Variants in YBX1 observed in about 807,000 individuals in gnomAD.
The protein encoded by YBX1 is Y-box binding protein 1.
Under a neutral mutation model 41.4 loss-of-function variants are expected in YBX1, and 3 were observed. The ratio of observed to expected loss-of-function variants is 0.07; its 90% CI spans 0.03 to 0.19. YBX1 has a LOEUF of 0.19. Ranked by LOEUF, YBX1 falls within the 10% of genes least tolerant of loss-of-function variation. The pLI, the probability that YBX1 is intolerant of heterozygous loss-of-function variation, is 1.00. For synonymous variants in YBX1, 133 were observed against 165.8 expected (o/e 0.80, Z 1.52); for missense variants, 274 against 462.8 (o/e 0.59, Z 3.74).
intron 2 of YBX1, among the ~76,000 whole-genome samples, chr1:42,685,076 G>T (rs966904795): frequency 6.6e-6 from 1 of 152,206 alleles, no homozygotes; most frequent in Admixed American, 6.5e-5. Flanking sequence ...CAAATTTGCA[G>T]CCTTTTCAGC....
In YBX1 at chr1:42,696,749, T is replaced by C; in HGVS notation, c.462T>C (p.Pro154=). The change falls in exon 5 of 8, where the codon CCT becomes CCC. Residue 154 remains proline (P), a synonymous_variant. Coordinates refer to ENST00000321358, the MANE Select transcript of YBX1 (RefSeq NM_004559.5). The surrounding 1 kb of genome is among the most constrained non-coding windows in gnomAD (Gnocchi z 5.7). Reference sequence around the variant, plus strand: ...GACGCTATCCACGTCGTAGGGGTCCTCCACGCAATTACCAGCAAAATTACC... The same window carrying C: ...GACGCTATCCACGTCGTAGGGGTCCCCCACGCAATTACCAGCAAAATTACC... The part of the protein sequence containing the change: ...HYRRYPRRRG[P]PRNYQQNYQN... 6.2e-7 allele frequency: 1 copy of C among 1,613,846 alleles called. No individual in the cohort carries two copies. The highest frequency in any genetic ancestry group is 8.5e-7 in the Non-Finnish European group (1 of 1,179,842).
intron 2 of YBX1, among the ~76,000 whole-genome samples, chr1:42,691,826 A>C (rs1423789617): frequency 6.6e-6 from 1 of 152,140 alleles, no homozygotes; most frequent in East Asian, 1.9e-4. Flanking sequence ...ACTTCCATTA[A>C]TGCAGATAGT....
Position 42,683,421 on chromosome 1 carries a change from C to T in YBX1, c.185C>T (p.Thr62Ile). ...KKVIATKVLG[T>I]VKWFNVRNGY... is the part of the protein sequence containing the mutation. ...TTTCCAGCAACGAAGGTTTTGGGAA[C>T]AGTAAAATGGTTCAATGTAAGGAAC... Residue 62 changes from threonine to isoleucine, a missense_variant, in exon 2 of 8, where the codon ACA becomes ATA. Physicochemically the swap from Thr to Ile is moderately conservative, Grantham distance 89. Around this residue, in one of 3 missense-constraint regions of YBX1, gnomAD observed 84 missense variants for 130.8 expected, o/e 0.64. Coordinates refer to ENST00000321358, the MANE Select transcript of YBX1 (RefSeq NM_004559.5). The T allele has an allele frequency of 6.2e-7, 1 of 1,614,198 alleles. No homozygotes were observed. Among genetic ancestry groups the T allele is most frequent in the East Asian group, 2.2e-5 (1 of 44,880 alleles).
intron 1 of YBX1, chr1:42,682,978 GC>G (rs1297449542): frequency 6.2e-6 from 1 of 161,964 alleles, no homozygotes; most frequent in Non-Finnish European, 1.3e-5. Context: ...GCGGCCGCGC[GC>G]CGCCGACCGC....
intron 6 of YBX1, among the ~76,000 whole-genome samples, chr1:42,700,105 C>T (rs1325001280): frequency 1.3e-5 from 2 of 152,120 alleles, no homozygotes. Flanking sequence ...AAAGTCAGAA[C>T]AATTTTGTTG....
intron 6 of YBX1, 92 bp from the exon 7 acceptor site, chr1:42,700,689 G>C: frequency 2.5e-6 from 3 of 1,214,832 alleles, no homozygotes; most frequent in Non-Finnish European, 3.5e-6. Context: ...GGCCAGACAT[G>C]GTGAGTTAGT....
Position 42,703,233 on chromosome 1 carries a change from TTTG to T in YBX1, c.*1287_*1289del, listed in dbSNP as rs1266423588. Among the ~76,000 whole-genome samples, 2 of 152,110 alleles carry T rather than the reference TTTG, an allele frequency of 1.3e-5. No homozygotes were observed. Among genetic ancestry groups the T allele is most frequent in the Non-Finnish European group, 2.9e-5 (2 of 68,028 alleles). ...GCCACCGCACCTGGCCTCTCTGGCT[TTTG>T]TTTTCTAATGTTTTGTTAGATGTTC... On this transcript the variant is annotated 3_prime_UTR_variant, in exon 8 of 8. Coordinates refer to ENST00000321358, the MANE Select transcript of YBX1 (RefSeq NM_004559.5).
Position 42,696,189 on chromosome 1 carries a change from A to G in YBX1, c.265-10A>G. 4 of 1,598,850 alleles carry G rather than the reference A, an allele frequency of 2.5e-6. No individual in the cohort carries two copies. The highest frequency in any genetic ancestry group is 3.4e-6 in the Non-Finnish European group (4 of 1,171,390). On this transcript the variant is annotated splice_polypyrimidine_tract_variant and intron_variant, in intron 3 of 7. Coordinates refer to ENST00000321358, the MANE Select transcript of YBX1 (RefSeq NM_004559.5). This position sits in a 1 kb window ranked among gnomAD's most constrained non-coding sequence, Gnocchi z 5.7. ...CCTGTTAATCTATTTTTGGAATGTGATATTACTAGACTGCCATAAAGAAGA... is the reference window on the plus strand; with the variant it reads ...CCTGTTAATCTATTTTTGGAATGTGGTATTACTAGACTGCCATAAAGAAGA...
chr1:42,688,217 A>G (rs1334465156), intron 2 of YBX1, among the ~76,000 whole-genome samples: 2 of 152,190 alleles, frequency 1.3e-5, no homozygotes, highest in African/African-American at 4.8e-5. Context: ...TGAACCACAC[A>G]AGTCCACTTA....
In YBX1 at chr1:42,683,497, C is replaced by G. The variant is rs772761709; in HGVS notation, c.230+31C>G. On this transcript the variant is annotated intron_variant, in intron 2 of 7. Transcript: ENST00000321358. Reference sequence around the variant, plus strand: ...CTGCCGGGCTCTGAAGCCTCCATCCCACCTTCTTGCTTGCTTCCTGCTCTG... The same window carrying G: ...CTGCCGGGCTCTGAAGCCTCCATCCGACCTTCTTGCTTGCTTCCTGCTCTG... 2.5e-6 allele frequency: 4 copies of G among 1,611,990 alleles called. No homozygotes were observed. The South Asian group carries it at 4.4e-5, about 18-fold the overall frequency.
At chr1:42,692,136 C>T (rs1570419548) in intron 2 of YBX1, among the ~76,000 whole-genome samples, 1 of 152,314 alleles carries the variant, frequency 6.6e-6, no homozygotes, top group Non-Finnish European at 1.5e-5. Flanking sequence ...ACTGGAAAAA[C>T]TTTAAATACC....
intron 2 of YBX1, among the ~76,000 whole-genome samples, chr1:42,692,694 A>G (rs1317365300): frequency 1.3e-5 from 2 of 152,166 alleles, no homozygotes; most frequent in Non-Finnish European, 2.9e-5. Context: ...CGGAGTAAAG[A>G]GGGTGAGGCA....
At chr1:42,698,490 C>T (rs535139757) in intron 6 of YBX1, among the ~76,000 whole-genome samples, 1 of 152,276 alleles carries the variant, frequency 6.6e-6, no homozygotes, top group East Asian at 1.9e-4. Flanking sequence ...CATGGCAGTC[C>T]ATCTGTTAAG....
rs182184544 is a variant in YBX1 at position 42,683,357 on chromosome 1, G to T, written c.167-46G>T. 833 of 1,613,022 alleles carry T rather than the reference G, an allele frequency of 5.2e-4. 6 individuals are homozygous for T. In the East Asian group the frequency reaches 0.014, roughly 27 times the overall value. ...GCCCAAGCCGGGCGGATTTGGAAAA[G>T]GATAGCTGGTAATCGTGGCTTGTTT... On this transcript the variant is annotated intron_variant, in intron 1 of 7. Transcript: ENST00000321358.
At chr1:42,695,472 T>G (rs1317561868) in intron 3 of YBX1, among the ~76,000 whole-genome samples, 1 of 152,236 alleles carries the variant, frequency 6.6e-6, no homozygotes, top group East Asian at 1.9e-4. Context: ...TGTCTCATAA[T>G]GAGATTGAAT....
intron 6 of YBX1, 99 bp downstream of exon 6, chr1:42,697,361 C>T: frequency 2.6e-6 from 3 of 1,175,328 alleles, no homozygotes; most frequent in Non-Finnish European, 3.6e-6. Context: ...TTTCTGTTAA[C>T]ACTTCACGTT....
chr1:42,682,595 G>A lies in YBX1; in HGVS notation c.30G>A (p.Pro10=), dbSNP rs1650059850. The A allele has an allele frequency of 2.1e-6, 3 of 1,451,586 alleles. No individual in the cohort carries two copies. Among genetic ancestry groups the A allele is most frequent in the Admixed American group, 2.5e-5 (1 of 40,248 alleles). The allele number at this position is 1,451,586 out of a possible 1,614,324, so 89.9% of individuals were successfully genotyped here. Residue 10 remains proline, a synonymous_variant, in exon 1 of 8, where the codon CCG becomes CCA. Transcript: ENST00000321358. MSSEAETQQ[P]PAAPPAAPAL... ...GCAGCGAGGCCGAGACCCAGCAGCC[G>A]CCCGCCGCCCCCCCCGCCGCCCCCG...
Position 42,682,857 on chromosome 1 carries a change from A to T in YBX1, c.166+126A>T, listed in dbSNP as rs1185256344. 1.6e-5 allele frequency: 7 copies of T among 429,920 alleles called. No individual in the cohort carries two copies. The East Asian group carries it at 2.2e-4, about 13-fold the overall frequency. The allele number at this position is 429,920 out of a possible 1,614,324, so 26.6% of individuals were successfully genotyped here. ...CCGACTCCGCGGCGCGCGGCCGCCC[A>T]TCCCCCCCGTCCCCCCCTCACTCCC... On this transcript the variant is annotated intron_variant, in intron 1 of 7. Coordinates refer to ENST00000321358, the MANE Select transcript of YBX1 (RefSeq NM_004559.5).
intron 5 of YBX1, 35 bp from the exon 6 acceptor site, chr1:42,697,145 G>T: frequency 1.3e-6 from 2 of 1,598,822 alleles, no homozygotes; most frequent in South Asian, 2.3e-5. Flanking sequence ...TTATATTACT[G>T]ACCCAGTAGG....
Sources: allele counts gnomAD v4.1 joint callset (sites outside exome capture counted in the v4.1 genomes callset), GRCh38; gene constraint gnomAD v4.1.1; regional missense constraint gnomAD v4.1.1; non-coding constraint Gnocchi (gnomAD v3.1); transcripts MANE v1.5; gene names NCBI Gene and HGNC (gene_info 2026-07-23, HGNC 2026-07-21).